HRAS: variants seen among roughly 807,000 people sequenced by gnomAD.
HRAS encodes the protein HRas proto-oncogene, GTPase.
Under a neutral mutation model 19.8 loss-of-function variants are expected in HRAS, and 11 were observed. The observed-to-expected ratio is 0.55, with a 90% CI of 0.35 to 0.92. The LOEUF (loss-of-function observed/expected upper bound fraction) is 0.92. Among genes scored for constraint, HRAS ranks in the 40% least tolerant of loss-of-function variants. The pLI, the probability that HRAS is intolerant of heterozygous loss-of-function variation, is 0.01. For synonymous variants in HRAS, 149 were observed against 105.5 expected (o/e 1.41, Z -2.52); for missense variants, 204 against 255.9 (o/e 0.80, Z 1.38).
At chr11:534,851 G>A (rs539457170) in intron 1 of HRAS, among the ~76,000 whole-genome samples, 8 of 152,334 alleles carry the variant, frequency 5.3e-5, no homozygotes, top group Non-Finnish European at 1.0e-4. Context: ...GCGCCGCCGA[G>A]GGGAGGGCAG....
intron 5 of HRAS, 30 bp from the exon 6 acceptor site, chr11:532,552 C>T (rs938933407): frequency 2.6e-5 from 40 of 1,556,426 alleles, no homozygotes; most frequent in Non-Finnish European, 2.9e-5. Context: ...GGCTGCTGAC[C>T]GCAGGCCAGG....
chr11:533,094 C>A (rs554184181), intron 4 of HRAS, among the ~76,000 whole-genome samples: 1 of 152,360 alleles, frequency 6.6e-6, no homozygotes, highest in South Asian at 2.1e-4. Context: ...CCAACAGGTG[C>A]CCGTGGGACA....
rs569509284 is a variant in HRAS at position 533,240 on chromosome 11, C to T, written c.450+213G>A. The T allele has an allele frequency of 2.2e-4, 339 of 1,520,408 alleles. 3 individuals carry two copies. The South Asian group carries it at 3.6e-3, about 16-fold the overall frequency. The allele number at this position is 1,520,408 out of a possible 1,614,324, so 94.2% of individuals were successfully genotyped here. Reference sequence around the variant, plus strand: ...GGGCGTGAGCCCAGACCCCGGCCCTCGCCTCCCTCACTGCCCTGCCGTCCC... The same window carrying T: ...GGGCGTGAGCCCAGACCCCGGCCCTTGCCTCCCTCACTGCCCTGCCGTCCC... On this transcript the variant is annotated intron_variant, in intron 4 of 5. Transcript: ENST00000311189.
intron 3 of HRAS, 36 bp downstream of exon 3, chr11:533,730 C>T (rs1331302548): frequency 1.9e-6 from 3 of 1,611,486 alleles, no homozygotes; most frequent in Non-Finnish European, 2.5e-6. Flanking sequence ...CCCACCTGTG[C>T]GGCGTGGGCT....
At position 533,328 on chromosome 11, in the gene HRAS, C is replaced by T. The variant is rs750721065; in HGVS notation, c.450+125G>A. 73 of 1,603,888 alleles carry T rather than the reference C, an allele frequency of 4.6e-5. No homozygotes were observed. The highest frequency in any genetic ancestry group is 5.9e-5 in the Non-Finnish European group (69 of 1,179,480). On this transcript the variant is annotated intron_variant, in intron 4 of 5. Coordinates refer to ENST00000311189, the MANE Select transcript of HRAS (RefSeq NM_005343.4). ...GGTCCCGGGGGGTCCCAGAGGGTCC[C>T]GGAGCTGGAGCTAGAGCCAGAGCGG...
rs1851235106 is a variant in HRAS at position 533,438 on chromosome 11, G to A, written c.450+15C>T. Reference sequence around the variant, plus strand: ...GCGGGTCCCTGGCTAGCTGTGGGGTGGAGAGCTGCCTCACCTGCCGGGTCT... The same window carrying A: ...GCGGGTCCCTGGCTAGCTGTGGGGTAGAGAGCTGCCTCACCTGCCGGGTCT... On this transcript the variant is annotated intron_variant, in intron 4 of 5. Coordinates refer to ENST00000311189, the MANE Select transcript of HRAS (RefSeq NM_005343.4). The A allele has an allele frequency of 1.9e-6, 3 of 1,612,312 alleles. No homozygotes were observed. The highest frequency in any genetic ancestry group is 1.3e-5 in the African/African-American group (1 of 74,928).
rs1474214180 is a variant in HRAS, at chr11:532,285, C to G, written c.*243G>C. 2.1e-6 allele frequency: 1 copy of G among 468,178 alleles called. No individual in the cohort carries two copies. The highest frequency in any genetic ancestry group is 3.9e-6 in the Non-Finnish European group (1 of 253,896). 29.0% of individuals were successfully genotyped at this position (468,178 alleles called of 1,614,324 possible). A position where few individuals can be genotyped will look rare whatever the true frequency, so the allele number is the denominator to read the frequency against. The stretch of plus-strand genomic sequence containing the variant: ...TTACTGTGATCCCATCTGTGCCCGA[C>G]AAGGGCCCACAGAGGCCTGGGAGGG... On this transcript the variant is annotated 3_prime_UTR_variant, in exon 6 of 6. Coordinates refer to ENST00000311189, the MANE Select transcript of HRAS (RefSeq NM_005343.4).
chr11:533,801 G>A lies in HRAS; in HGVS notation c.255C>T (p.Asn85=), dbSNP rs759463996. The change falls in exon 3 of 6, where the codon AAC becomes AAT. Residue 85 remains asparagine, a synonymous_variant. Transcript: ENST00000311189. ...GGATGTCCTCAAAAGACTTGGTGTTGTTGATGGCAAACACACACAGGAAGC... is the reference window on the plus strand; with the variant it reads ...GGATGTCCTCAAAAGACTTGGTGTTATTGATGGCAAACACACACAGGAAGC... ...GEGFLCVFAI[N]NTKSFEDIHQ... is the part of the protein sequence containing the mutation. The A allele has an allele frequency of 1.4e-5, 22 of 1,613,388 alleles. No individual in the cohort carries two copies. Among genetic ancestry groups the A allele is most frequent in the East Asian group, 2.2e-5 (1 of 44,886 alleles).
intron 3 of HRAS, 40 bp downstream of exon 3, chr11:533,726 T>C (rs987229977): frequency 1.2e-6 from 2 of 1,611,504 alleles, no homozygotes; most frequent in South Asian, 1.1e-5. Context: ...TGGCCCCACC[T>C]GTGCGGCGTG....
In HRAS at chr11:533,460, G is replaced by C. The variant is rs1851235958; in HGVS notation, c.443C>G (p.Thr148Ser). 6.2e-7 allele frequency: 1 copy of C among 1,613,320 alleles called. No individual in the cohort carries two copies. Among genetic ancestry groups the C allele is most frequent in the Non-Finnish European group, 8.5e-7 (1 of 1,179,960 alleles). ...GIPYIETSAK[T>S]RQGVEDAFYT... ...GGTGGAGAGCTGCCTCACCTGCCGG[G>C]TCTTGGCCGAGGTCTCGATGTAGGG... Residue 148 changes from threonine to serine, a missense_variant, in exon 4 of 6, where the codon ACC becomes AGC. By Grantham distance (58) the Thr-to-Ser change is moderately conservative. Around this residue, in one of 4 missense-constraint regions of HRAS, gnomAD observed 142 missense variants for 141.1 expected, o/e 1.01. Transcript: ENST00000311189.
chr11:532,874 T>A, intron 4 of HRAS, 119 bp from the exon 5 acceptor site: 1 of 981,776 alleles, frequency 1.0e-6, no homozygotes, highest in Non-Finnish European at 1.6e-6. Context: ...CACCAGCCAC[T>A]TCCCCAGGCC....
rs766582484 is a variant in HRAS, at chr11:533,957, A to G, written c.112-13T>C. The G allele has an allele frequency of 2.5e-6, 4 of 1,608,416 alleles. No homozygotes were observed. The highest frequency in any genetic ancestry group is 3.4e-6 in the Non-Finnish European group (4 of 1,179,866). On this transcript the variant is annotated splice_polypyrimidine_tract_variant and intron_variant, in intron 2 of 5. Coordinates refer to ENST00000311189, the MANE Select transcript of HRAS (RefSeq NM_005343.4). ...TCCGGTAGGAATCCTGCAGGAGGACAGGGCTCAGGGACCCCCTCAGGACCT... is the reference window on the plus strand; with the variant it reads ...TCCGGTAGGAATCCTGCAGGAGGACGGGGCTCAGGGACCCCCTCAGGACCT...
At chr11:534,617 G>A in intron 1 of HRAS, 2 of 523,938 alleles carry the variant, frequency 3.8e-6, no homozygotes, top group Admixed American at 6.5e-5. Context: ...CTCAAAGGCA[G>A]GGCTGACAGC....
chr11:533,279 C>G (rs371117417), intron 4 of HRAS, 174 bp downstream of exon 4: 1 of 1,586,686 alleles, frequency 6.3e-7, no homozygotes, highest in Non-Finnish European at 8.5e-7. Flanking sequence ...AGACTTACAG[C>G]GCGAGGGGCC....
intron 1 of HRAS, among the ~76,000 whole-genome samples, chr11:535,076 T>TGCCGTG (rs1036866865): frequency 1.3e-5 from 2 of 151,888 alleles, no homozygotes; most frequent in African/African-American, 4.8e-5. Context: ...TGCCCGGGCG[T>TGCCGTG]GCCGTGGCCG....
rs200945755 is a variant in HRAS, at chr11:533,534, G to C, written c.369C>G (p.Arg123=). ...CCTGAGCCTGCCGAGATTCCACAGT[G>C]CGTGCAGCCAGGTCACACTTGTTCC... ...LVGNKCDLAA[R]TVESRQAQDL... The change falls in exon 4 of 6, where the codon CGC becomes CGG. Residue 123 remains arginine, a synonymous_variant. Coordinates refer to ENST00000311189, the MANE Select transcript of HRAS (RefSeq NM_005343.4). The C allele has an allele frequency of 1.2e-6, 2 of 1,613,848 alleles. No individual in the cohort carries two copies. The highest frequency in any genetic ancestry group is 1.7e-6 in the Non-Finnish European group (2 of 1,179,986).
rs1589792507 is a variant in HRAS, at chr11:533,787, A to G, written c.269T>C (p.Phe90Ser). ...TCACCTGTACTGGTGGATGTCCTCA[A>G]AAGACTTGGTGTTGTTGATGGCAAA... Reference protein sequence around the residue: ...CVFAINNTKSFEDIHQYREQI... With the variant: ...CVFAINNTKSSEDIHQYREQI... The change falls in exon 3 of 6, where the codon TTT becomes TCT. Residue 90 changes from phenylalanine to serine, a missense_variant. Physicochemically the swap from Phe to Ser is radical, Grantham distance 155. Transcript: ENST00000311189. 7 of 1,613,322 alleles carry G rather than the reference A, an allele frequency of 4.3e-6. No individual in the cohort carries two copies. In the East Asian group the frequency reaches 1.6e-4, roughly 36 times the overall value.
intron 3 of HRAS, 76 bp from the exon 4 acceptor site, chr11:533,688 G>C: frequency 6.2e-7 from 1 of 1,611,424 alleles, no homozygotes; most frequent in Non-Finnish European, 8.5e-7. Flanking sequence ...AGAGAGGACA[G>C]GAGGCCCCTG....
At chr11:532,562 G>C in intron 5 of HRAS, 40 bp from the exon 6 acceptor site, 1 of 1,569,694 alleles carries the variant, frequency 6.4e-7, no homozygotes, top group Non-Finnish European at 8.6e-7. Context: ...CGCAGGCCAG[G>C]AGACCGGCAG....
Sources: gnomAD v4.1 joint callset for allele counts (sites outside exome capture counted in the v4.1 genomes callset) on GRCh38, gnomAD v4.1.1 for gene constraint, gnomAD v4.1.1 regional missense constraint, MANE v1.5 for transcripts, NCBI Gene and HGNC (gene_info 2026-07-23, HGNC 2026-07-21) for gene names.